Variants in SRGAP2 observed in about 807,000 individuals in gnomAD.
SRGAP2 encodes the protein SLIT-ROBO Rho GTPase-activating protein 2.
Under a neutral mutation model 57.2 loss-of-function variants are expected in SRGAP2, and 15 were observed. That is an observed-to-expected ratio of 0.26 (90% CI 0.18 to 0.40). SRGAP2 has a LOEUF of 0.40. Ranked by LOEUF, SRGAP2 falls within the 10% of genes least tolerant of loss-of-function variation. The pLI, the probability that SRGAP2 is intolerant of heterozygous loss-of-function variation, is 1.00. For missense variants in SRGAP2, 520 were observed against 669.6 expected, an observed-to-expected ratio of 0.78 and a Z score of 2.47; for synonymous variants, 249 against 248.0, an observed-to-expected ratio of 1.00 and a Z score of -0.04.
intron 2 of SRGAP2, among the ~76,000 whole-genome samples, chr1:206,234,569 C>T (rs1217399505): frequency 6.6e-5 from 10 of 152,216 alleles, no homozygotes; most frequent in African/African-American, 2.4e-4. Flanking sequence ...AGTGGGCTTC[C>T]TGTGTTTTGT....
chr1:206,231,531 A>C (rs1379179320), intron 2 of SRGAP2, among the ~76,000 whole-genome samples: 7 of 150,884 alleles, frequency 4.6e-5, no homozygotes, highest in Non-Finnish European at 1.0e-4. Context: ...TCTGATAATT[A>C]GTTTTCTAAT....
Position 206,355,259 on chromosome 1 carries a change from TGTTTG to T in SRGAP2, c.423+12255_423+12259del, listed in dbSNP as rs552592436. ...TGCAAAATCTCCCATCTTCTAGATT[TGTTTG>T]GTTGTTTACTTGTGTTGTTAAGCTT... On this transcript the variant is annotated intron_variant, in intron 4 of 22. Coordinates refer to ENST00000573034, the MANE Select transcript of SRGAP2 (RefSeq NM_015326.5). Among the ~76,000 whole-genome samples, 16 of 152,328 alleles carry T rather than the reference TGTTTG, an allele frequency of 1.1e-4. No homozygotes were observed. In the East Asian group the frequency reaches 2.7e-3, roughly 26 times the overall value.
chr1:206,454,120 T>G lies in SRGAP2; in HGVS notation c.2360+740T>G, dbSNP rs1466625159. ...ACGATGCTGTCAGTGTTTTTAGTCC[T>G]TCCCTTAATATTATTTTTTAAAGGT... On this transcript the variant is annotated intron_variant, in intron 20 of 22. Coordinates refer to ENST00000573034, the MANE Select transcript of SRGAP2 (RefSeq NM_015326.5). The surrounding 1 kb of genome is among the most constrained non-coding windows in gnomAD (Gnocchi z 4.3). 1.4e-6 allele frequency: 1 copy of G among 702,346 alleles called. No individual in the cohort carries two copies. Among genetic ancestry groups the G allele is most frequent in the African/African-American group, 1.7e-5 (1 of 57,242 alleles). 43.5% of individuals were successfully genotyped at this position (702,346 alleles called of 1,614,324 possible). A position where few individuals can be genotyped will look rare whatever the true frequency, so the allele number is the denominator to read the frequency against.
intron 16 of SRGAP2, among the ~76,000 whole-genome samples, chr1:206,439,054 G>A (rs1474411293): frequency 2.0e-5 from 3 of 152,226 alleles, no homozygotes; most frequent in Middle Eastern, 3.4e-3. Context: ...GTCTTTTTCC[G>A]GGACTGGGCC....
At chr1:206,437,918 G>A (rs782675896) in intron 15 of SRGAP2, 46 bp from the exon 16 acceptor site, 6 of 777,350 alleles carry the variant, frequency 7.7e-6, no homozygotes, top group Admixed American at 1.7e-5. Context: ...GTGTGTTTTT[G>A]CCTCTCTCAC....
intron 2 of SRGAP2, among the ~76,000 whole-genome samples, chr1:206,225,750 C>T (rs1234739172): frequency 3.3e-5 from 5 of 152,170 alleles, no homozygotes; most frequent in Non-Finnish European, 5.9e-5. Flanking sequence ...GAAGGGGCTT[C>T]GTGTTTGTTT....
At chr1:206,295,219 C>CT (rs1220839715) in intron 2 of SRGAP2, among the ~76,000 whole-genome samples, 8 of 148,904 alleles carry the variant, frequency 5.4e-5, no homozygotes, top group South Asian at 2.1e-4. Flanking sequence ...CAAATTTATT[C>CT]TTTTTTTTTA....
chr1:206,431,500 G>A (rs577595880), intron 14 of SRGAP2, among the ~76,000 whole-genome samples: 66 of 152,190 alleles, frequency 4.3e-4, no homozygotes, highest in Non-Finnish European at 7.3e-4. Flanking sequence ...AAGTCCAAAC[G>A]GAGTTCAGGG....
chr1:206,372,981 CTTTCTTT>C (rs1558359312), intron 4 of SRGAP2, among the ~76,000 whole-genome samples: 2 of 61,510 alleles, frequency 3.3e-5, no homozygotes, highest in African/African-American at 1.5e-4. Flanking sequence ...TTCTTTCTTT[CTTTCTTT>C]CTTTCTTTCT....
intron 16 of SRGAP2, among the ~76,000 whole-genome samples, chr1:206,438,582 G>A (rs1174922728): frequency 6.6e-6 from 1 of 152,180 alleles, no homozygotes; most frequent in East Asian, 1.9e-4. Context: ...TTCCCAAAGA[G>A]AAAGGTATAT....
intron 10 of SRGAP2, among the ~76,000 whole-genome samples, chr1:206,412,144 C>T (rs1304530446): frequency 6.6e-6 from 1 of 152,120 alleles, no homozygotes; most frequent in African/African-American, 2.4e-5. Flanking sequence ...GCAACTAAAA[C>T]GTCTATCAAG....
rs1426205821 is a variant in SRGAP2, at chr1:206,203,642, C to T, written c.-551C>T. The T allele has an allele frequency of 1.7e-5, 10 of 603,726 alleles. No homozygotes were observed. Among genetic ancestry groups the T allele is most frequent in the Non-Finnish European group, 3.0e-5 (10 of 329,764 alleles). 37.4% of individuals were successfully genotyped at this position (603,726 alleles called of 1,614,324 possible). On this transcript the variant is annotated 5_prime_UTR_variant, in exon 1 of 23. Transcript: ENST00000573034. ...GCCGGGGGCCTGGGACCCGTCGCGTCAGAGCCAGGTAAAGGCTCCTTCCCT... is the reference window on the plus strand; with the variant it reads ...GCCGGGGGCCTGGGACCCGTCGCGTTAGAGCCAGGTAAAGGCTCCTTCCCT...
At chr1:206,337,414 AGAAGCATGTTG>A (rs1387032381) in intron 3 of SRGAP2, among the ~76,000 whole-genome samples, 2 of 78,924 alleles carry the variant, frequency 2.5e-5, no homozygotes, top group African/African-American at 6.9e-5. Context: ...GAGCCGGGTG[AGAAGCATGTTG>A]GAAATTGATG....
intron 21 of SRGAP2, 176 bp downstream of exon 21, chr1:206,455,200 T>C: frequency 1.5e-6 from 1 of 656,370 alleles, no homozygotes; most frequent in South Asian, 1.7e-5. Context: ...AGGATGCTGC[T>C]ACAAGCCTCG....
chr1:206,284,772 T>A (rs1482853823), intron 2 of SRGAP2, among the ~76,000 whole-genome samples: 1 of 151,716 alleles, frequency 6.6e-6, no homozygotes, highest in Non-Finnish European at 1.5e-5. Flanking sequence ...TAATCCACAG[T>A]CCACTATGAC....
intron 2 of SRGAP2, among the ~76,000 whole-genome samples, chr1:206,262,264 G>A (rs1224167200): frequency 1.3e-5 from 2 of 148,310 alleles, no homozygotes; most frequent in Admixed American, 1.3e-4. Flanking sequence ...ATTTAAATCT[G>A]TAAAGTAAAG....
intron 2 of SRGAP2, chr1:206,214,848 C>T (rs1553303079): frequency 6.6e-6 from 1 of 151,890 alleles, no homozygotes; most frequent in Non-Finnish European, 1.5e-5. Flanking sequence ...CTGGTAAAGC[C>T]CAACGTTTCT....
At chr1:206,437,165 G>A in intron 15 of SRGAP2, 123 bp downstream of exon 15, 1 of 709,642 alleles carries the variant, frequency 1.4e-6, no homozygotes, top group African/African-American at 1.7e-5. Context: ...CTCTTCAGGG[G>A]GTACCTGCTG....
chr1:206,454,003 C>T lies in SRGAP2; in HGVS notation c.2360+623C>T. 1 of 648,064 alleles carries T rather than the reference C, an allele frequency of 1.5e-6. No homozygotes were observed. Among genetic ancestry groups the T allele is most frequent in the South Asian group, 1.8e-5 (1 of 57,052 alleles). The allele number at this position is 648,064 out of a possible 1,614,324, so 40.1% of individuals were successfully genotyped here. A position where few individuals can be genotyped will look rare whatever the true frequency, so the allele number is the denominator to read the frequency against. On this transcript the variant is annotated intron_variant, in intron 20 of 22. Transcript: ENST00000573034. This position sits in a 1 kb window ranked among gnomAD's most constrained non-coding sequence, Gnocchi z 4.3. ...TCATCTGATAGGCTGTTGGTTGATT[C>T]TCACACTTTGAAGCAGTTGTCCCGT...
Sources: gnomAD v4.1 joint callset for allele counts (sites outside exome capture counted in the v4.1 genomes callset) on GRCh38, gnomAD v4.1.1 for gene constraint, Gnocchi (gnomAD v3.1) non-coding constraint, MANE v1.5 for transcripts, NCBI Gene and HGNC (gene_info 2026-07-23, HGNC 2026-07-21) for gene names.